The following ADAM22 variants were observed in gnomAD, a reference collection of about 807,000 sequenced individuals.
ADAM22 encodes disintegrin and metalloproteinase domain-containing protein 22.
A neutral mutation model predicts 144.6 loss-of-function variants in ADAM22; 65 were observed. The observed-to-expected ratio is 0.45, with a 90% CI of 0.37 to 0.55. ADAM22 has a LOEUF of 0.55. Ranked by LOEUF, ADAM22 falls within the 20% of genes least tolerant of loss-of-function variation. The pLI is 0.00. For missense variants in ADAM22, 974 were observed against 1,184.9 expected, an observed-to-expected ratio of 0.82 and a Z score of 2.61; for synonymous variants, 391 against 412.6, an observed-to-expected ratio of 0.95 and a Z score of 0.63.
At chr7:87,985,337 A>G (rs949333591) in intron 3 of ADAM22, among the ~76,000 whole-genome samples, 5 of 152,004 alleles carry the variant, frequency 3.3e-5, no homozygotes, top group Non-Finnish European at 4.4e-5. Context: ...AATTTATTTT[A>G]TATTTCATAA....
chr7:88,000,200 C>G (rs1244877514), intron 3 of ADAM22, among the ~76,000 whole-genome samples: 4 of 152,084 alleles, frequency 2.6e-5, no homozygotes, highest in Admixed American at 6.6e-5. Flanking sequence ...AAATAAACAG[C>G]TCCCCTGCTG....
At chr7:87,957,161 T>C (rs1429798791) in intron 2 of ADAM22, among the ~76,000 whole-genome samples, 1 of 152,206 alleles carries the variant, frequency 6.6e-6, no homozygotes, top group East Asian at 1.9e-4. Context: ...TTTTAGAAAG[T>C]TGAATCAACA....
intron 2 of ADAM22, among the ~76,000 whole-genome samples, chr7:87,976,962 A>G (rs1294727910): frequency 3.3e-5 from 5 of 151,412 alleles, no homozygotes; most frequent in Non-Finnish European, 7.4e-5. Flanking sequence ...GATATGATGT[A>G]TGGCAGAGGT....
intron 4 of ADAM22, among the ~76,000 whole-genome samples, chr7:88,105,668 T>C (rs563898858): frequency 7.9e-5 from 12 of 152,256 alleles, no homozygotes; most frequent in African/African-American, 2.9e-4. Flanking sequence ...AGGTTCGAGG[T>C]TCAACATTGG....
intron 3 of ADAM22, among the ~76,000 whole-genome samples, chr7:87,988,875 T>C (rs1331255828): frequency 2.0e-5 from 3 of 152,102 alleles, no homozygotes; most frequent in African/African-American, 7.3e-5. Context: ...TTCCCTTTAG[T>C]CTTAGTCTGG....
chr7:88,045,212 T>A (rs891540643), intron 3 of ADAM22, among the ~76,000 whole-genome samples: 6 of 152,212 alleles, frequency 3.9e-5, no homozygotes, highest in African/African-American at 1.4e-4. Context: ...GAGACAGGGT[T>A]TCACCATGTT....
chr7:88,099,648 A>G (rs1822382927), intron 4 of ADAM22, among the ~76,000 whole-genome samples: 1 of 152,188 alleles, frequency 6.6e-6, no homozygotes, highest in Non-Finnish European at 1.5e-5. Flanking sequence ...TCATTTCCAT[A>G]TGTAACATTA....
chr7:88,034,421 G>C (rs1177757769), intron 3 of ADAM22, among the ~76,000 whole-genome samples: 2 of 152,094 alleles, frequency 1.3e-5, no homozygotes, highest in African/African-American at 4.8e-5. Context: ...GTTGCAAAAC[G>C]ATGTCTTCAT....
At chr7:88,160,777 A>G (rs969506707) in intron 22 of ADAM22, among the ~76,000 whole-genome samples, 9 of 152,168 alleles carry the variant, frequency 5.9e-5, no homozygotes, top group Admixed American at 3.9e-4. Context: ...ATGGAATACT[A>G]TGCAGCCATA....
rs944207966 is a variant in ADAM22 at position 87,938,752 on chromosome 7, C to T, written c.246+3566C>T. 4.6e-5 allele frequency among the ~76,000 whole-genome samples: 7 copies of T among 152,048 alleles called. No individual in the cohort carries two copies. The South Asian group carries it at 8.3e-4, about 18-fold the overall frequency. ...GCAAGGTCCACCTCCCTGGTTCAAG[C>T]GATTCTCCTGCCTCAGCCTCCCAAG... On this transcript the variant is annotated intron_variant, in intron 2 of 31. Transcript: ENST00000413139.
intron 7 of ADAM22, among the ~76,000 whole-genome samples, chr7:88,122,863 T>C (rs1162468339): frequency 1.3e-5 from 2 of 152,256 alleles, no homozygotes; most frequent in Non-Finnish European, 2.9e-5. Flanking sequence ...CTCTTGGCTC[T>C]GTGTTCTCAA....
chr7:88,181,642 A>G (rs373879420), intron 28 of ADAM22, 37 bp downstream of exon 28: 55 of 1,549,202 alleles, frequency 3.6e-5, no homozygotes, highest in Non-Finnish European at 4.8e-5. Flanking sequence ...TGTCCACATA[A>G]TCAAGTTCTA....
intron 25 of ADAM22, among the ~76,000 whole-genome samples, chr7:88,170,897 C>G (rs1032460399): frequency 6.6e-6 from 1 of 151,896 alleles, no homozygotes; most frequent in African/African-American, 2.4e-5. Flanking sequence ...TAGTTGGAAA[C>G]TCATTTAAGT....
At chr7:88,194,037 C>G (rs140888820) in intron 31 of ADAM22, among the ~76,000 whole-genome samples, 2 of 152,226 alleles carry the variant, frequency 1.3e-5, no homozygotes, top group African/African-American at 4.8e-5. Flanking sequence ...TAAAAGATAA[C>G]AAGACAATTC....
chr7:88,089,708 T>A (rs150433216), intron 4 of ADAM22, among the ~76,000 whole-genome samples: 2 of 152,180 alleles, frequency 1.3e-5, no homozygotes, highest in African/African-American at 4.8e-5. Context: ...TTTAGGAAGA[T>A]GGCTTTAGAA....
At chr7:88,123,449 A>G (rs566842133) in intron 7 of ADAM22, among the ~76,000 whole-genome samples, 2 of 152,204 alleles carry the variant, frequency 1.3e-5, no homozygotes, top group African/African-American at 4.8e-5. Flanking sequence ...CAGATTTTCT[A>G]TATATACACA....
At chr7:88,004,728 A>G (rs1793380042) in intron 3 of ADAM22, among the ~76,000 whole-genome samples, 1 of 152,214 alleles carries the variant, frequency 6.6e-6, no homozygotes, top group Non-Finnish European at 1.5e-5. Flanking sequence ...AATTTGGGAA[A>G]ACCTCTGTCA....
intron 2 of ADAM22, among the ~76,000 whole-genome samples, chr7:87,952,546 G>T (rs1236448035): frequency 6.6e-6 from 1 of 151,984 alleles, no homozygotes; most frequent in Non-Finnish European, 1.5e-5. Context: ...CGGTTTGCCA[G>T]TATTTTACTG....
At chr7:88,000,708 A>C (rs1792343754) in intron 3 of ADAM22, among the ~76,000 whole-genome samples, 1 of 152,222 alleles carries the variant, frequency 6.6e-6, no homozygotes, top group Non-Finnish European at 1.5e-5. Context: ...CCTTAACAAA[A>C]ATAACATTAC....
Sources: gnomAD v4.1 joint callset for allele counts (sites outside exome capture counted in the v4.1 genomes callset) on GRCh38, gnomAD v4.1.1 for gene constraint, MANE v1.5 for transcripts, NCBI Gene and HGNC (gene_info 2026-07-23, HGNC 2026-07-21) for gene names.